Variants in DEK observed in about 807,000 individuals in gnomAD.
The protein encoded by DEK is protein DEK.
Under a neutral mutation model 46.8 loss-of-function variants are expected in DEK, and 28 were observed. The observed-to-expected ratio is 0.60, with a 90% CI of 0.44 to 0.82. The LOEUF (loss-of-function observed/expected upper bound fraction) is 0.82. DEK is among the 40% of genes least tolerant of loss of function. DEK has a pLI of 0.00. For missense variants in DEK, 416 were observed against 430.6 expected, an observed-to-expected ratio of 0.97 and a Z score of 0.30; for synonymous variants, 160 against 144.5, an observed-to-expected ratio of 1.11 and a Z score of -0.77.
intron 6 of DEK, among the ~76,000 whole-genome samples, chr6:18,255,203 G>C (rs182428085): frequency 3.3e-5 from 5 of 152,234 alleles, no homozygotes; most frequent in Admixed American, 1.3e-4. Context: ...TGAGAAAACT[G>C]TAAGGCCATT....
intron 7 of DEK, among the ~76,000 whole-genome samples, chr6:18,245,701 A>G (rs1791085583): frequency 2.0e-5 from 3 of 152,244 alleles, no homozygotes; most frequent in Admixed American, 6.5e-5. Flanking sequence ...CTATGCCTCA[A>G]GGTTAACACC....
intron 8 of DEK, 101 bp from the exon 9 acceptor site, chr6:18,236,701 A>G: frequency 1.2e-6 from 1 of 806,886 alleles, no homozygotes; most frequent in East Asian, 3.3e-5. Flanking sequence ...TCAAAGGGGT[A>G]CTGGATCAAA....
intron 7 of DEK, among the ~76,000 whole-genome samples, chr6:18,245,512 A>C (rs1372923554): frequency 6.6e-6 from 1 of 151,364 alleles, no homozygotes; most frequent in Non-Finnish European, 1.5e-5. Flanking sequence ...AGTTTGTTTC[A>C]TACTTTCGAG....
At chr6:18,245,319 A>C (rs1791064441) in intron 7 of DEK, among the ~76,000 whole-genome samples, 2 of 152,196 alleles carry the variant, frequency 1.3e-5, no homozygotes, top group South Asian at 4.1e-4. Context: ...CACATCCTCA[A>C]TTCCTTTCTT....
intron 9 of DEK, among the ~76,000 whole-genome samples, chr6:18,228,077 C>CA (rs1790217288): frequency 1.3e-5 from 2 of 152,150 alleles, no homozygotes; most frequent in African/African-American, 4.8e-5. Flanking sequence ...TCACAGTCTG[C>CA]AAGCACCCTG....
chr6:18,235,814 C>T (rs1790622825), intron 9 of DEK, among the ~76,000 whole-genome samples: 1 of 152,068 alleles, frequency 6.6e-6, no homozygotes, highest in African/African-American at 2.4e-5. Flanking sequence ...TAGCCCAGTG[C>T]CTGAAATGTA....
intron 9 of DEK, among the ~76,000 whole-genome samples, chr6:18,235,089 GAT>G (rs886387574): frequency 6.6e-6 from 1 of 152,134 alleles, no homozygotes; most frequent in Non-Finnish European, 1.5e-5. Flanking sequence ...TTTTAATGAT[GAT>G]ATAACTGGGT....
chr6:18,251,216 G>T (rs1226806764), intron 6 of DEK, among the ~76,000 whole-genome samples: 11 of 151,968 alleles, frequency 7.2e-5, no homozygotes, highest in Non-Finnish European at 1.5e-5. Context: ...TTCTACCTTT[G>T]TTACTTTATT....
At chr6:18,238,637 C>A (rs1444706089) in intron 7 of DEK, among the ~76,000 whole-genome samples, 1 of 144,300 alleles carries the variant, frequency 6.9e-6, no homozygotes, top group Non-Finnish European at 1.5e-5. Context: ...ATGGAGGTTG[C>A]AGTGAGTGGA....
chr6:18,246,229 CAAAAGAAA>C (rs1203458138), intron 7 of DEK, among the ~76,000 whole-genome samples: 1 of 152,050 alleles, frequency 6.6e-6, no homozygotes, highest in African/African-American at 2.4e-5. Flanking sequence ...TATTTCTCAT[CAAAAGAAA>C]AAAAGAAAAT....
At chr6:18,240,298 C>T (rs747004903) in intron 7 of DEK, among the ~76,000 whole-genome samples, 7 of 152,190 alleles carry the variant, frequency 4.6e-5, no homozygotes, top group Non-Finnish European at 7.3e-5. Flanking sequence ...TTTTTCTAAA[C>T]GGACAACCAG....
chr6:18,252,509 CAAAAAAAAA>C (rs61626818), intron 6 of DEK, among the ~76,000 whole-genome samples: 339 of 29,142 alleles, frequency 0.012, 8 homozygotes, highest in African/African-American at 0.038. Flanking sequence ...ACGCTGTCTC[CAAAAAAAAA>C]AAAAAAAAAA....
rs752512964 is a variant in DEK at position 18,224,765 on chromosome 6, G to T, written c.*954C>A. ...TCAGCATTTTATATGGGCAAAAGCA[G>T]TTAATAAAAATCAGTTCATTTACTG... On this transcript the variant is annotated 3_prime_UTR_variant, in exon 11 of 11. Transcript: ENST00000652689. 7 of 213,916 alleles carry T rather than the reference G, an allele frequency of 3.3e-5. No individual in the cohort carries two copies. The highest frequency in any genetic ancestry group is 4.7e-5 in the Non-Finnish European group (5 of 105,884). 13.3% of individuals were successfully genotyped at this position (213,916 alleles called of 1,614,324 possible). A position where few individuals can be genotyped will look rare whatever the true frequency, so the allele number is the denominator to read the frequency against.
At chr6:18,254,280 G>C (rs906975430) in intron 6 of DEK, among the ~76,000 whole-genome samples, 1 of 152,104 alleles carries the variant, frequency 6.6e-6, no homozygotes, top group African/African-American at 2.4e-5. Context: ...GCAGTGAGCA[G>C]AGATTGTGCC....
At chr6:18,258,628 G>A (rs1791706492) in intron 2 of DEK, among the ~76,000 whole-genome samples, 1 of 151,502 alleles carries the variant, frequency 6.6e-6, no homozygotes, top group African/African-American at 2.4e-5. Flanking sequence ...GGCACTCACA[G>A]GGACTCAGTT....
At chr6:18,241,241 A>G (rs1471222702) in intron 7 of DEK, among the ~76,000 whole-genome samples, 1 of 152,240 alleles carries the variant, frequency 6.6e-6, no homozygotes, top group Non-Finnish European at 1.5e-5. Context: ...ATTAGGACAC[A>G]ATGGACAATT....
intron 9 of DEK, among the ~76,000 whole-genome samples, chr6:18,227,445 A>G (rs756951243): frequency 2.0e-5 from 3 of 147,452 alleles, no homozygotes; most frequent in African/African-American, 8.1e-5. Context: ...CTTTGTTCAC[A>G]TGTTTATCTG....
At position 18,258,590 on chromosome 6, in the gene DEK, T is replaced by C. The variant is rs187234065; in HGVS notation, c.146-185A>G. On this transcript the variant is annotated intron_variant, in intron 2 of 10. Coordinates refer to ENST00000652689, the MANE Select transcript of DEK (RefSeq NM_003472.4). Reference sequence around the variant, plus strand: ...ATTAATTAATAGAGCACCATGAAAATTTTTTCAGAGTAACATTTTACTCAC... The same window carrying C: ...ATTAATTAATAGAGCACCATGAAAACTTTTTCAGAGTAACATTTTACTCAC... Among the ~76,000 whole-genome samples the C allele has an allele frequency of 2.6e-5, 4 of 151,940 alleles. No homozygotes were observed. The East Asian group carries it at 7.7e-4, about 29-fold the overall frequency.
chr6:18,259,537 T>C (rs952261058), intron 2 of DEK, among the ~76,000 whole-genome samples: 2 of 150,924 alleles, frequency 1.3e-5, no homozygotes, highest in East Asian at 3.9e-4. Context: ...AAAAGAATAC[T>C]ATATACTGCT....
Sources: gnomAD v4.1 joint callset for allele counts (sites outside exome capture counted in the v4.1 genomes callset) on GRCh38, gnomAD v4.1.1 for gene constraint, MANE v1.5 for transcripts, NCBI Gene and HGNC (gene_info 2026-07-23, HGNC 2026-07-21) for gene names.